Variants in DHX57 observed in about 807,000 individuals in gnomAD.
The protein encoded by DHX57 is DExH-box helicase 57.
DHX57 carries 105 observed loss-of-function variants against 156.2 expected under a neutral mutation model. The ratio of observed to expected loss-of-function variants is 0.67; its 90% CI spans 0.57 to 0.79. The LOEUF (loss-of-function observed/expected upper bound fraction) is 0.79, where lower values mean the gene tolerates loss of function less well. Ranked by LOEUF, DHX57 falls within the 30% of genes least tolerant of loss-of-function variation. The pLI is 0.00. For synonymous variants in DHX57, 704 were observed against 595.6 expected, an observed-to-expected ratio of 1.18 and a Z score of -2.65; for missense variants, 1,847 against 1,661.9, an observed-to-expected ratio of 1.11 and a Z score of -1.94.
chr2:38,864,858 A>G (rs952185003), intron 2 of DHX57, among the ~76,000 whole-genome samples: 1 of 152,158 alleles, frequency 6.6e-6, no homozygotes, highest in East Asian at 1.9e-4. Context: ...AGTATTTCCT[A>G]TGCTACTACA....
intron 8 of DHX57, 134 bp downstream of exon 8, chr2:38,854,923 A>C (rs1672803970): frequency 1.2e-6 from 1 of 837,908 alleles, no homozygotes; most frequent in Non-Finnish European, 1.9e-6. Context: ...AATGATTACC[A>C]AAGGTAATCA....
At position 38,825,885 on chromosome 2, in the gene DHX57, T is replaced by C; in HGVS notation, c.2976A>G (p.Pro992=). The change falls in exon 16 of 24, where the codon CCA becomes CCG. Residue 992 remains proline, a synonymous_variant. Coordinates refer to ENST00000457308, the MANE Select transcript of DHX57 (RefSeq NM_198963.3). ...GTTCCAATGGCACTCTTTGTATTTCTGGTAGCTGTTGTTTTAAAAGCTGGT... is the reference window on the plus strand; with the variant it reads ...GTTCCAATGGCACTCTTTGTATTTCCGGTAGCTGTTGTTTTAAAAGCTGGT... ...YNHQLLKQQL[P]EIQRVPLEQL... 1.2e-6 allele frequency: 2 copies of C among 1,614,198 alleles called. No individual in the cohort carries two copies. Among genetic ancestry groups the C allele is most frequent in the Non-Finnish European group, 1.7e-6 (2 of 1,180,024 alleles).
intron 19 of DHX57, 68 bp from the exon 20 acceptor site, chr2:38,815,723 G>A (rs1670514047): frequency 3.8e-6 from 6 of 1,594,836 alleles, no homozygotes; most frequent in Middle Eastern, 1.7e-4. Flanking sequence ...TTACAAAAAT[G>A]AGTGATTATA....
intron 19 of DHX57, among the ~76,000 whole-genome samples, chr2:38,817,718 G>A (rs960645594): frequency 1.3e-5 from 2 of 151,792 alleles, no homozygotes; most frequent in Middle Eastern, 3.2e-3. Flanking sequence ...ATTTTTTGAG[G>A]CAGGATCTCC....
intron 21 of DHX57, among the ~76,000 whole-genome samples, chr2:38,812,896 G>A (rs1670339966): frequency 6.6e-6 from 1 of 151,232 alleles, no homozygotes; most frequent in African/African-American, 2.4e-5. Context: ...GGCCCAGGCT[G>A]GGGTACAGTG....
intron 5 of DHX57, among the ~76,000 whole-genome samples, chr2:38,859,307 A>G (rs913366782): frequency 6.6e-6 from 1 of 152,170 alleles, no homozygotes; most frequent in Non-Finnish European, 1.5e-5. Flanking sequence ...TTCCATTTCT[A>G]TGAAATGTCC....
At chr2:38,828,244 C>T (rs1671204773) in intron 14 of DHX57, 96 bp downstream of exon 14, 4 of 840,722 alleles carry the variant, frequency 4.8e-6, no homozygotes, top group Non-Finnish European at 7.1e-6. Context: ...AATGTATGCT[C>T]GAAGACTGGT....
At chr2:38,871,533 C>G (rs1296765398) in intron 1 of DHX57, among the ~76,000 whole-genome samples, 3 of 152,042 alleles carry the variant, frequency 2.0e-5, no homozygotes, top group Non-Finnish European at 4.4e-5. Flanking sequence ...ATGCCACAGA[C>G]TAGGTAATTT....
chr2:38,847,286 T>A (rs547948635), intron 10 of DHX57, among the ~76,000 whole-genome samples: 1 of 152,190 alleles, frequency 6.6e-6, no homozygotes, highest in Non-Finnish European at 1.5e-5. Context: ...GGTAGAGAAA[T>A]GATCCTTTGC....
At chr2:38,831,958 G>A (rs1318167147) in intron 13 of DHX57, among the ~76,000 whole-genome samples, 1 of 152,086 alleles carries the variant, frequency 6.6e-6, no homozygotes, top group Non-Finnish European at 1.5e-5. Flanking sequence ...GGAGGCAGAG[G>A]TTGCAGTGAG....
intron 9 of DHX57, among the ~76,000 whole-genome samples, chr2:38,848,991 T>C (rs1321248024): frequency 6.6e-6 from 1 of 152,236 alleles, no homozygotes; most frequent in East Asian, 1.9e-4. Flanking sequence ...CCCAACAGGA[T>C]TGATAATCAA....
intron 21 of DHX57, among the ~76,000 whole-genome samples, chr2:38,812,658 T>G (rs1670311424): frequency 6.6e-6 from 1 of 152,070 alleles, no homozygotes; most frequent in Non-Finnish European, 1.5e-5. Context: ...CTCAGCCTCC[T>G]GAGTAGCTGG....
rs1366413714 is a variant in DHX57, at chr2:38,813,905, A to T, written c.3607-10T>A. 4 of 1,612,304 alleles carry T rather than the reference A, an allele frequency of 2.5e-6. No homozygotes were observed. The highest frequency in any genetic ancestry group is 3.4e-6 in the Non-Finnish European group (4 of 1,178,770). ...CAGCATTTGAGTTTGCCTATGAGAA[A>T]AGCACAGCATTAATTAACAAGTGAT... On this transcript the variant is annotated splice_polypyrimidine_tract_variant and intron_variant, in intron 20 of 23. Transcript: ENST00000457308.
intron 1 of DHX57, among the ~76,000 whole-genome samples, chr2:38,869,211 G>T (rs1665239712): frequency 6.6e-6 from 1 of 152,222 alleles, no homozygotes; most frequent in African/African-American, 2.4e-5. Flanking sequence ...TGGGCTCAGA[G>T]ATTCTGCCAA....
At chr2:38,811,339 C>T in intron 21 of DHX57, 1 of 525,578 alleles carries the variant, frequency 1.9e-6, no homozygotes, top group South Asian at 1.6e-5. Flanking sequence ...GGGACACATA[C>T]TTTGCCCCCT....
intron 19 of DHX57, among the ~76,000 whole-genome samples, chr2:38,818,290 G>A (rs1397746888): frequency 6.6e-6 from 1 of 152,184 alleles, no homozygotes; most frequent in Non-Finnish European, 1.5e-5. Flanking sequence ...ACTTTGGGTG[G>A]CCAAGGTGGG....
intron 5 of DHX57, 89 bp from the exon 6 acceptor site, chr2:38,858,925 A>C: frequency 7.6e-7 from 1 of 1,320,424 alleles, no homozygotes; most frequent in Non-Finnish European, 1.0e-6. Context: ...ATCAACAACA[A>C]AAAGTCAAAA....
chr2:38,841,980 A>G (rs1367072046), intron 12 of DHX57, among the ~76,000 whole-genome samples: 2 of 152,236 alleles, frequency 1.3e-5, no homozygotes, highest in African/African-American at 4.8e-5. Context: ...ATCATGTCAA[A>G]TATTGCTTCA....
Position 38,848,264 on chromosome 2 carries a change from T to C in DHX57, c.2164+5A>G. 1 of 1,576,144 alleles carries C rather than the reference T, an allele frequency of 6.3e-7. No individual in the cohort carries two copies. Among genetic ancestry groups the C allele is most frequent in the East Asian group, 2.2e-5 (1 of 44,570 alleles). On this transcript the variant is annotated splice_donor_5th_base_variant and intron_variant, in intron 10 of 23. Coordinates refer to ENST00000457308, the MANE Select transcript of DHX57 (RefSeq NM_198963.3). ...GATACATATTTAATGATGCATTTTA[T>C]TCACCTGGTATAGTAATAACGGGGC...
Sources: allele counts gnomAD v4.1 joint callset (sites outside exome capture counted in the v4.1 genomes callset), GRCh38; gene constraint gnomAD v4.1.1; transcripts MANE v1.5; gene names NCBI Gene and HGNC (gene_info 2026-07-23, HGNC 2026-07-21).